The following OPA1 variants were observed in gnomAD, a reference collection of about 807,000 sequenced individuals.
OPA1 encodes the protein OPA1 mitochondrial dynamin like GTPase.
Under a neutral mutation model 152.9 loss-of-function variants are expected in OPA1, and 59 were observed. The observed-to-expected ratio is 0.39, with a 90% CI of 0.31 to 0.48. OPA1 has a LOEUF of 0.48. OPA1 is among the 20% of genes least tolerant of loss of function. The pLI, the probability that OPA1 is intolerant of heterozygous loss-of-function variation, is 0.96. For missense variants in OPA1, 1,008 were observed against 1,216.8 expected (o/e 0.83, Z 2.55); for synonymous variants, 400 against 389.9 (o/e 1.03, Z -0.31).
At chr3:193,625,565 A>T (rs1730967214) in intron 6 of OPA1, among the ~76,000 whole-genome samples, 1 of 152,170 alleles carries the variant, frequency 6.6e-6, no homozygotes, top group African/African-American at 2.4e-5. Context: ...GCAAAGGCAC[A>T]TAGAATATAT....
intron 18 of OPA1, 109 bp downstream of exon 18, chr3:193,645,909 T>G (rs1734517641): frequency 2.2e-6 from 2 of 901,588 alleles, no homozygotes; most frequent in East Asian, 5.2e-5. Flanking sequence ...TAACATCGGA[T>G]TTCTAGAATT....
chr3:193,624,805 CAG>C (rs755424839), intron 6 of OPA1, among the ~76,000 whole-genome samples: 10 of 152,020 alleles, frequency 6.6e-5, no homozygotes, highest in African/African-American at 1.4e-4. Flanking sequence ...TCAAAACTAA[CAG>C]AATAAAAATT....
chr3:193,622,087 C>G (rs980986906), intron 6 of OPA1, among the ~76,000 whole-genome samples: 1 of 152,106 alleles, frequency 6.6e-6, no homozygotes, highest in African/African-American at 2.4e-5. Flanking sequence ...CAGAAGGCAA[C>G]AAGCACATTT....
rs1175683486 is a variant in OPA1, at chr3:193,643,279, A to G, written c.1306-94A>G. 10 of 1,009,324 alleles carry G rather than the reference A, an allele frequency of 9.9e-6. No individual in the cohort carries two copies. In the South Asian group the frequency reaches 1.3e-4, roughly 13 times the overall value. 62.5% of individuals were successfully genotyped at this position (1,009,324 alleles called of 1,614,324 possible). A position where few individuals can be genotyped will look rare whatever the true frequency, so the allele number is the denominator to read the frequency against. Reference sequence around the variant, plus strand: ...TGAGCGTCTTATCTGAATGGATGAGATATAGAATTTTTAGAATACATTTCA... The same window carrying G: ...TGAGCGTCTTATCTGAATGGATGAGGTATAGAATTTTTAGAATACATTTCA... On this transcript the variant is annotated intron_variant, in intron 13 of 30. Transcript: ENST00000361510.
At position 193,654,895 on chromosome 3, in the gene OPA1, A is replaced by G. The variant is rs1713424756; in HGVS notation, c.2046A>G (p.Arg682=). Residue 682 remains arginine, a synonymous_variant, in exon 22 of 31, where the codon AGA becomes AGG. Coordinates refer to ENST00000361510, the MANE Select transcript of OPA1 (RefSeq NM_130837.3). ...EEILQQSLWE[R]VSTHVIENIY... ...TCCTTCAACAATCTTTGTGGGAAAG[A>G]GTATCAACTCATGTGATTGAAAACA... The G allele has an allele frequency of 6.2e-7, 1 of 1,613,976 alleles. No homozygotes were observed. Among genetic ancestry groups the G allele is most frequent in the Non-Finnish European group, 8.5e-7 (1 of 1,179,934 alleles).
chr3:193,642,655 G>A (rs1577239946), intron 11 of OPA1, 110 bp from the exon 12 acceptor site: 3 of 803,758 alleles, frequency 3.7e-6, no homozygotes, highest in East Asian at 4.9e-5. Context: ...AGTGTGAAGG[G>A]ACTCTTGGAT....
rs764036757 is a variant in OPA1, at chr3:193,631,579, T to G, written c.790-33T>G. The G allele has an allele frequency of 2.6e-6, 4 of 1,527,916 alleles. No individual in the cohort carries two copies. In the African/African-American group the frequency reaches 5.5e-5, roughly 21 times the overall value. The allele number at this position is 1,527,916 out of a possible 1,614,324, so 94.6% of individuals were successfully genotyped here. A position where few individuals can be genotyped will look rare whatever the true frequency, so the allele number is the denominator to read the frequency against. ...TGCTGTACATTCTGTATAAACCTAA[T>G]TCTATTCAACTAAAATTATTTTAAA... On this transcript the variant is annotated intron_variant, in intron 7 of 30. Coordinates refer to ENST00000361510, the MANE Select transcript of OPA1 (RefSeq NM_130837.3).
At chr3:193,654,285 C>T (rs1248130058) in intron 21 of OPA1, among the ~76,000 whole-genome samples, 1 of 152,084 alleles carries the variant, frequency 6.6e-6, no homozygotes, top group Non-Finnish European at 1.5e-5. Context: ...TGCTTGAGCC[C>T]AGGAGTTCAA....
chr3:193,619,584 A>G (rs1729667051), intron 6 of OPA1: 1 of 152,192 alleles, frequency 6.6e-6, no homozygotes, highest in South Asian at 2.1e-4. Flanking sequence ...TTGTATTTAT[A>G]ATACTCATAT....
At chr3:193,601,084 G>T (rs1294319279) in intron 1 of OPA1, among the ~76,000 whole-genome samples, 1 of 152,108 alleles carries the variant, frequency 6.6e-6, no homozygotes, top group Non-Finnish European at 1.5e-5. Context: ...ATGTTGTCAT[G>T]TGCCTTTCTG....
chr3:193,671,787 T>C (rs575078389), intron 29 of OPA1, among the ~76,000 whole-genome samples: 5 of 152,360 alleles, frequency 3.3e-5, no homozygotes, highest in Admixed American at 2.0e-4. Context: ...ATTTTGTTTT[T>C]ATAACTAATA....
At position 193,676,964 on chromosome 3, in the gene OPA1, G is replaced by C. The variant is rs1478823122; in HGVS notation, c.2983+9684G>C. On this transcript the variant is annotated intron_variant, in intron 29 of 30. Coordinates refer to ENST00000361510, the MANE Select transcript of OPA1 (RefSeq NM_130837.3). Reference sequence around the variant, plus strand: ...CCACTGCACTCCAGCCTGGGTGACAGAGCAAGACTCGTCTCAAAAAAAAAA... The same window carrying C: ...CCACTGCACTCCAGCCTGGGTGACACAGCAAGACTCGTCTCAAAAAAAAAA... Among the ~76,000 whole-genome samples the C allele has an allele frequency of 1.9e-4, 21 of 112,444 alleles. No individual in the cohort carries two copies. In the Admixed American group the frequency reaches 2.4e-3, roughly 13 times the overall value. The allele number at this position is 112,444 out of a possible 152,430, so 73.8% of individuals were successfully genotyped here.
intron 13 of OPA1, 115 bp downstream of exon 13, chr3:193,643,164 C>CT (rs1577241447): frequency 2.1e-6 from 2 of 950,790 alleles, no homozygotes; most frequent in African/African-American, 3.3e-5. Context: ...ATATGTAGAG[C>CT]TTTTAAAAAA....
intron 5 of OPA1, 90 bp downstream of exon 5, chr3:193,617,927 T>C (rs1039806156): frequency 3.5e-6 from 3 of 849,554 alleles, no homozygotes; most frequent in Non-Finnish European, 6.0e-6. Flanking sequence ...ACCAAATTTA[T>C]AATGCTGCTT....
At chr3:193,645,487 T>C (rs1734432003) in intron 16 of OPA1, 66 bp from the exon 17 acceptor site, 3 of 1,205,516 alleles carry the variant, frequency 2.5e-6, no homozygotes, top group Non-Finnish European at 3.6e-6. Flanking sequence ...TTCTAAATTG[T>C]ATATTACGCT....
chr3:193,667,040 AC>A (rs1266846846), intron 28 of OPA1, 129 bp from the exon 29 acceptor site: 1 of 637,040 alleles, frequency 1.6e-6, no homozygotes, highest in African/African-American at 1.8e-5. Context: ...ATTTTCTATG[AC>A]TATGAAAAGT....
At position 193,594,701 on chromosome 3, in the gene OPA1, A is replaced by G. The variant is rs1286617326; in HGVS notation, c.32+1292A>G. ...CCGCGCCCGGCCCAATTTGTTTTATATAGGTTAACTGGAGTCCAAAATACA... is the reference window on the plus strand; with the variant it reads ...CCGCGCCCGGCCCAATTTGTTTTATGTAGGTTAACTGGAGTCCAAAATACA... On this transcript the variant is annotated intron_variant, in intron 1 of 30. Coordinates refer to ENST00000361510, the MANE Select transcript of OPA1 (RefSeq NM_130837.3). Among the ~76,000 whole-genome samples, 6 of 152,112 alleles carry G rather than the reference A, an allele frequency of 3.9e-5. No individual in the cohort carries two copies. In the East Asian group the frequency reaches 5.8e-4, roughly 15 times the overall value.
At position 193,626,118 on chromosome 3, in the gene OPA1, A is replaced by G. The variant is rs1403994443; in HGVS notation, c.705A>G (p.Leu235=). The change falls in exon 7 of 31, where the codon TTA becomes TTG. Residue 235 remains leucine, a synonymous_variant. Coordinates refer to ENST00000361510, the MANE Select transcript of OPA1 (RefSeq NM_130837.3). ...GTCTGCTTGGTGAGCTCATTCTCTTACAACAACAAATTCAAGAGCATGAAG... is the reference window on the plus strand; with the variant it reads ...GTCTGCTTGGTGAGCTCATTCTCTTGCAACAACAAATTCAAGAGCATGAAG... ...RKGLLGELIL[L]QQQIQEHEEE... 1.2e-6 allele frequency: 2 copies of G among 1,613,892 alleles called. No homozygotes were observed. The highest frequency in any genetic ancestry group is 2.2e-5 in the South Asian group (2 of 91,082).
chr3:193,618,819 G>A (rs972120723), intron 5 of OPA1, 50 bp from the exon 6 acceptor site: 3 of 1,406,782 alleles, frequency 2.1e-6, no homozygotes, highest in African/African-American at 1.4e-5. Context: ...ATTCAGCTTA[G>A]GCTGTTGACA....
Sources: allele counts gnomAD v4.1 joint callset (sites outside exome capture counted in the v4.1 genomes callset), GRCh38; gene constraint gnomAD v4.1.1; transcripts MANE v1.5; gene names NCBI Gene and HGNC (gene_info 2026-07-23, HGNC 2026-07-21).